TBC1D1: variants seen among roughly 807,000 people sequenced by gnomAD.
TBC1D1 encodes TBC1 (tre-2/USP6, BUB2, cdc16) domain family, member 1.
Under a neutral mutation model 125.6 loss-of-function variants are expected in TBC1D1, and 89 were observed. The ratio of observed to expected loss-of-function variants is 0.71; its 90% CI spans 0.60 to 0.85. TBC1D1 has a LOEUF of 0.85. TBC1D1 is among the 40% of genes least tolerant of loss of function. The pLI, the probability that TBC1D1 is intolerant of heterozygous loss-of-function variation, is 0.00. For missense variants in TBC1D1, 1,377 were observed against 1,469.2 expected, an observed-to-expected ratio of 0.94 and a Z score of 1.03; for synonymous variants, 565 against 564.1, an observed-to-expected ratio of 1.00 and a Z score of -0.02.
intron 2 of TBC1D1, among the ~76,000 whole-genome samples, chr4:37,999,524 C>T (rs1023945421): frequency 3.9e-5 from 6 of 152,084 alleles, no homozygotes; most frequent in Non-Finnish European, 8.8e-5. Context: ...GCCCCCAGCG[C>T]GTGGTGTAGG....
intron 2 of TBC1D1, among the ~76,000 whole-genome samples, chr4:37,956,239 G>A (rs909360295): frequency 1.3e-5 from 2 of 151,952 alleles, no homozygotes; most frequent in East Asian, 1.9e-4. Flanking sequence ...GGCTGGTCTC[G>A]AACTCCTGGA....
rs1259585480 is a variant in TBC1D1, at chr4:38,137,029, G to C, written c.3307-106G>C. On this transcript the variant is annotated intron_variant, in intron 19 of 19. Coordinates refer to ENST00000261439, the MANE Select transcript of TBC1D1 (RefSeq NM_015173.4). ...GATAAACTGTAGACTCATCCCTGCT[G>C]AAACTCGGCTCCAGAGTGCTCCCAA... is the stretch of plus-strand genomic sequence containing the variant. The C allele has an allele frequency of 5.7e-6, 9 of 1,565,232 alleles. No individual in the cohort carries two copies. In the East Asian group the frequency reaches 6.8e-5, roughly 12 times the overall value.
intron 2 of TBC1D1, chr4:38,006,765 C>T (rs1740356318): frequency 4.4e-6 from 2 of 458,862 alleles, no homozygotes; most frequent in Non-Finnish European, 8.6e-6. Context: ...AGGCGTGAGC[C>T]ACTGCGCCTG....
chr4:37,947,625 A>T (rs1161493036), intron 2 of TBC1D1, among the ~76,000 whole-genome samples: 1 of 152,154 alleles, frequency 6.6e-6, no homozygotes, highest in African/African-American at 2.4e-5. Context: ...TTCATTAATT[A>T]AAAAAATTTT....
intron 14 of TBC1D1, among the ~76,000 whole-genome samples, chr4:38,101,979 A>G (rs1283440386): frequency 6.6e-6 from 1 of 151,976 alleles, no homozygotes; most frequent in Non-Finnish European, 1.5e-5. Context: ...AGAAATGAGC[A>G]AACTGTCGCA....
intron 15 of TBC1D1, among the ~76,000 whole-genome samples, chr4:38,113,032 AC>A (rs1259442017): frequency 6.6e-6 from 1 of 152,144 alleles, no homozygotes; most frequent in Non-Finnish European, 1.5e-5. Flanking sequence ...CCTTCTCATA[AC>A]ATACCACTCG....
rs1213862383 is a variant in TBC1D1, at chr4:38,050,622, CTT to C, written c.1910+726_1910+727del. Among the ~76,000 whole-genome samples, 4 of 152,344 alleles carry C rather than the reference CTT, an allele frequency of 2.6e-5. No individual in the cohort carries two copies. The East Asian group carries it at 7.7e-4, about 29-fold the overall frequency. On this transcript the variant is annotated intron_variant, in intron 11 of 19. Coordinates refer to ENST00000261439, the MANE Select transcript of TBC1D1 (RefSeq NM_015173.4). The stretch of plus-strand genomic sequence containing the variant: ...TGGACACAGTTATCTTTAAAAACAA[CTT>C]TAAACAATTTTAAAAATCTCTCACC...
intron 15 of TBC1D1, among the ~76,000 whole-genome samples, chr4:38,112,852 C>T (rs1269088972): frequency 1.3e-5 from 2 of 152,162 alleles, no homozygotes; most frequent in African/African-American, 4.8e-5. Context: ...CTGTGGATGG[C>T]CTGGCTCTGC....
intron 15 of TBC1D1, among the ~76,000 whole-genome samples, chr4:38,115,098 C>CTTTTTTTT (rs56997021): frequency 7.4e-6 from 1 of 134,678 alleles, no homozygotes; most frequent in African/African-American, 2.8e-5. Flanking sequence ...TTTCTTTTTT[C>CTTTTTTTT]TTTTTTTTTT....
intron 15 of TBC1D1, among the ~76,000 whole-genome samples, chr4:38,115,260 C>T (rs1345748779): frequency 6.6e-6 from 1 of 152,060 alleles, no homozygotes; most frequent in African/African-American, 2.4e-5. Flanking sequence ...GCCACCACGC[C>T]TGACTAATTT....
chr4:38,078,771 G>A (rs1195909693), intron 12 of TBC1D1, among the ~76,000 whole-genome samples: 3 of 152,166 alleles, frequency 2.0e-5, no homozygotes, highest in African/African-American at 7.2e-5. Context: ...AAGCCACCCA[G>A]TCCCTATGAT....
At chr4:38,130,716 A>G (rs142913554) in intron 18 of TBC1D1, among the ~76,000 whole-genome samples, 58 of 152,366 alleles carry the variant, frequency 3.8e-4, no homozygotes, top group African/African-American at 1.3e-3. Flanking sequence ...GCACTTGTCC[A>G]GCCTCAGGAG....
chr4:38,100,747 T>C (rs1237261814), intron 14 of TBC1D1, among the ~76,000 whole-genome samples: 3 of 152,208 alleles, frequency 2.0e-5, no homozygotes, highest in Non-Finnish European at 4.4e-5. Context: ...AAGAAGAAAG[T>C]ACTTACTACA....
intron 13 of TBC1D1, 59 bp downstream of exon 15, chr4:38,090,176 C>T: frequency 6.6e-7 from 1 of 1,516,284 alleles, no homozygotes; most frequent in Non-Finnish European, 9.1e-7. Flanking sequence ...TGAAGTTAAT[C>T]ACATCAGACA....
intron 1 of TBC1D1, among the ~76,000 whole-genome samples, chr4:37,898,920 G>T (rs966897496): frequency 6.6e-6 from 1 of 152,112 alleles, no homozygotes; most frequent in Non-Finnish European, 1.5e-5. Context: ...GCCTTTAAAA[G>T]GTGCACCAAG....
Position 38,118,090 on chromosome 4 carries a change from C to T in TBC1D1, c.2860C>T (p.His954Tyr), listed in dbSNP as rs1763262001. 2.5e-6 allele frequency: 4 copies of T among 1,614,100 alleles called. No individual in the cohort carries two copies. Among genetic ancestry groups the T allele is most frequent in the African/African-American group, 1.3e-5 (1 of 74,944 alleles). ...TGATTACCACAGAGACCTCTACAATCACCTGGAGGAGCACGAGATCGGCCC... is the reference window on the plus strand; with the variant it reads ...TGATTACCACAGAGACCTCTACAATTACCTGGAGGAGCACGAGATCGGCCC... Residue 954 changes from histidine to tyrosine, a missense_variant, in exon 17 of 20, where the codon CAC becomes TAC. Coordinates refer to ENST00000261439, the MANE Select transcript of TBC1D1 (RefSeq NM_015173.4).
intron 15 of TBC1D1, among the ~76,000 whole-genome samples, chr4:38,108,211 A>G (rs1252652128): frequency 6.6e-6 from 1 of 152,142 alleles, no homozygotes; most frequent in Non-Finnish European, 1.5e-5. Flanking sequence ...GCTGCCAGTG[A>G]CACTGGGAAA....
chr4:37,951,973 C>A, intron 2 of TBC1D1: 1 of 717,468 alleles, frequency 1.4e-6, no homozygotes, highest in South Asian at 1.5e-5. Flanking sequence ...TATGTGTTCT[C>A]AGACTATGTA....
intron 14 of TBC1D1, among the ~76,000 whole-genome samples, chr4:38,096,846 A>T (rs1759435637): frequency 6.6e-6 from 1 of 152,110 alleles, no homozygotes; most frequent in African/African-American, 2.4e-5. Flanking sequence ...ACTGTATCGT[A>T]TAAAAATATC....
Sources: allele counts gnomAD v4.1 joint callset (sites outside exome capture counted in the v4.1 genomes callset), GRCh38; gene constraint gnomAD v4.1.1; transcripts MANE v1.5; gene names NCBI Gene and HGNC (gene_info 2026-07-23, HGNC 2026-07-21).